GSTA5: variants seen among roughly 807,000 people sequenced by gnomAD.
GSTA5 encodes glutathione S-transferase alpha 5.
In GSTA5, 25 loss-of-function variants were observed where a neutral mutation model predicts 21.8. The observed-to-expected ratio is 1.14, with a 90% confidence interval of 0.83 to 1.60. The LOEUF (loss-of-function observed/expected upper bound fraction) is 1.60, where lower values mean the gene tolerates loss of function less well. Ranked by LOEUF, GSTA5 falls within the 40% of genes most tolerant of loss-of-function variation. The pLI is 0.00. For synonymous variants in GSTA5, 102 were observed against 89.5 expected, an observed-to-expected ratio of 1.14 and a Z score of -0.78; for missense variants, 330 against 259.2, an observed-to-expected ratio of 1.27 and a Z score of -1.88.
chr6:52,836,297 T>A, exon 3 of GSTA5: 1 of 1,613,912 alleles, frequency 6.2e-7, no homozygotes, highest in South Asian at 1.1e-5. Context: ...TAGTTAAGAA[T>A]GGCTCTGGTC....
intron 5 of GSTA5, among the ~76,000 whole-genome samples, chr6:52,832,377 A>T (rs1764229441): frequency 2.0e-5 from 3 of 152,162 alleles, no homozygotes; most frequent in Admixed American, 6.5e-5. Context: ...CCATGGGACC[A>T]CCTTTTCTCA....
In GSTA5 at chr6:52,834,291, CA is replaced by C; in HGVS notation, c.273-10del. On this transcript the variant is annotated splice_polypyrimidine_tract_variant and intron_variant, in intron 3 of 5. Transcript: ENST00000370989. The stretch of plus-strand genomic sequence containing the variant: ...CTGTGTACATATCAATCCTGAAAGA[CA>C]AAAACAACCAAACCATCAAATGCCT... 1 of 1,597,362 alleles carries C rather than the reference CA, an allele frequency of 6.3e-7. No individual in the cohort carries two copies. Among genetic ancestry groups the C allele is most frequent in the Non-Finnish European group, 8.5e-7 (1 of 1,173,122 alleles).
chr6:52,840,828 G>A lies in GSTA5; in HGVS notation c.-15C>T. ...TTCTCTGCCATGATAGCAGTCTCCT[G>A]GAGGTTTCTCTAAGCCTGAATGAAT... On this transcript the variant is annotated 5_prime_UTR_variant, in exon 1 of 6. Coordinates refer to ENST00000370989, the Ensembl canonical transcript of GSTA5. 6.2e-7 allele frequency: 1 copy of A among 1,609,202 alleles called. No individual in the cohort carries two copies. Among genetic ancestry groups the A allele is most frequent in the Non-Finnish European group, 8.5e-7 (1 of 1,176,136 alleles).
rs1296474304 is a variant in GSTA5, at chr6:52,836,266, A to G, written c.242T>C (p.Leu81Pro). The change falls in exon 3 of 6, where the codon CTT becomes CCT. Residue 81 changes from leucine (L) to proline (P), a missense_variant. Leu to Pro is a moderately conservative substitution (Grantham distance 98, BLOSUM62 -3). Transcript: ENST00000370989. Reference sequence around the variant, plus strand: ...TCTCTCCTTCATGTCTTTCCCATAAAGGTTGTATTTGCTGGCAATGTAGTT... The same window carrying G: ...TCTCTCCTTCATGTCTTTCCCATAAGGGTTGTATTTGCTGGCAATGTAGTT... The G allele has an allele frequency of 2.5e-6, 4 of 1,613,852 alleles. No individual in the cohort carries two copies. The Admixed American group carries it at 6.7e-5, about 27-fold the overall frequency.
At chr6:52,834,513 A>G (rs1764266695) in intron 3 of GSTA5, among the ~76,000 whole-genome samples, 1 of 152,198 alleles carries the variant, frequency 6.6e-6, no homozygotes, top group Admixed American at 6.5e-5. Context: ...CAAGGTAGAT[A>G]GATCTCAAAA....
exon 2 of GSTA5, chr6:52,837,601 C>G: frequency 6.2e-7 from 1 of 1,607,752 alleles, no homozygotes; most frequent in Non-Finnish European, 8.5e-7. Context: ...CTAGAAATTT[C>G]TCTTCCAACT....
exon 6 of GSTA5, chr6:52,831,729 T>A: frequency 8.5e-7 from 1 of 1,181,304 alleles, no homozygotes; most frequent in Non-Finnish European, 1.2e-6. Context: ...AATTAGCATG[T>A]AATTGGAAAG....
At chr6:52,837,913 C>T (rs577026862) in intron 1 of GSTA5, among the ~76,000 whole-genome samples, 10 of 152,204 alleles carry the variant, frequency 6.6e-5, no homozygotes, top group Non-Finnish European at 1.2e-4. Flanking sequence ...GAGCAGTTCT[C>T]CTAGTTATGG....
rs764758525 is a variant in GSTA5, at chr6:52,836,256, T to C, written c.252A>G (p.Lys84=). 56 of 1,613,680 alleles carry C rather than the reference T, an allele frequency of 3.5e-5. No homozygotes were observed. In the Middle Eastern group the frequency reaches 1.2e-3, roughly 34 times the overall value. Residue 84 remains lysine (K), a synonymous_variant, in exon 3 of 6, where the codon AAA becomes AAG. Transcript: ENST00000370989. ...CATACAGGGCTCTCTCCTTCATGTCTTTCCCATAAAGGTTGTATTTGCTGG... is the reference window on the plus strand; with the variant it reads ...CATACAGGGCTCTCTCCTTCATGTCCTTCCCATAAAGGTTGTATTTGCTGG...
At chr6:52,835,669 T>G (rs1257712192) in intron 3 of GSTA5, among the ~76,000 whole-genome samples, 1 of 152,200 alleles carries the variant, frequency 6.6e-6, no homozygotes, top group Non-Finnish European at 1.5e-5. Flanking sequence ...TTGTTGGTAT[T>G]GAATCAATCT....
upstream of GSTA5, among the ~76,000 whole-genome samples, chr6:52,844,932 C>T (rs747467235): frequency 1.3e-5 from 2 of 152,148 alleles, no homozygotes; most frequent in Non-Finnish European, 2.9e-5. Flanking sequence ...TATCTGTCTA[C>T]CCATCCAAGT....
At chr6:52,838,089 G>T (rs757868632) in intron 1 of GSTA5, among the ~76,000 whole-genome samples, 1 of 152,168 alleles carries the variant, frequency 6.6e-6, no homozygotes, top group Non-Finnish European at 1.5e-5. Context: ...CCCTGCTAAG[G>T]GTGAAATAAG....
At chr6:52,844,072 G>T (rs1456703122), upstream of GSTA5, among the ~76,000 whole-genome samples, 1 of 152,116 alleles carries the variant, frequency 6.6e-6, no homozygotes, top group East Asian at 1.9e-4. Context: ...TATCTAGGGA[G>T]TGTGTCTACC....
upstream of GSTA5, among the ~76,000 whole-genome samples, chr6:52,845,418 C>T (rs1192738287): frequency 2.6e-5 from 4 of 152,152 alleles, no homozygotes; most frequent in Non-Finnish European, 5.9e-5. Flanking sequence ...GCTTAGAAAC[C>T]TCCTAGAGTG....
At chr6:52,840,898 G>A (rs1367107678), upstream of GSTA5, 5 of 1,283,544 alleles carry the variant, frequency 3.9e-6, no homozygotes, top group South Asian at 2.6e-5. Context: ...ACTTTAGGAT[G>A]TGTGGTTGAA....
At chr6:52,843,903 A>G (rs1277814452), upstream of GSTA5, among the ~76,000 whole-genome samples, 4 of 152,232 alleles carry the variant, frequency 2.6e-5, no homozygotes, top group South Asian at 2.1e-4. Flanking sequence ...ACTCCTGCTG[A>G]TAACTAACAT....
intron 4 of GSTA5, among the ~76,000 whole-genome samples, chr6:52,833,627 T>C (rs1193517383): frequency 1.3e-5 from 2 of 152,214 alleles, no homozygotes; most frequent in East Asian, 3.9e-4. Flanking sequence ...CAACTTACTA[T>C]AAAATGCATT....
In GSTA5 at chr6:52,837,617, C is replaced by A. The variant is rs780884873; in HGVS notation, c.88-8G>T. 6.3e-7 allele frequency: 1 copy of A among 1,599,264 alleles called. No individual in the cohort carries two copies. The highest frequency in any genetic ancestry group is 1.1e-5 in the South Asian group (1 of 90,700). On this transcript the variant is annotated splice_polypyrimidine_tract_variant and splice_region_variant and intron_variant, in intron 1 of 5. Transcript: ENST00000370989. The stretch of plus-strand genomic sequence containing the variant: ...TAGAAATTTCTCTTCCAACTGGAAG[C>A]AGAAACAGTAAATGGGTTCTTCTTA...
At chr6:52,832,740 T>C in intron 5 of GSTA5, 119 bp downstream of exon 5, 3 of 1,515,766 alleles carry the variant, frequency 2.0e-6, no homozygotes, top group East Asian at 2.3e-5. Context: ...TTGGAGACCT[T>C]GGGGGCACTG....
Sources: allele counts gnomAD v4.1 joint callset (sites outside exome capture counted in the v4.1 genomes callset), GRCh38; gene constraint gnomAD v4.1.1; transcripts MANE v1.5; gene names NCBI Gene and HGNC (gene_info 2026-07-23, HGNC 2026-07-21).